TAOK3: variants seen among roughly 807,000 people sequenced by gnomAD.
TAOK3 encodes TAO kinase 3, also known as serine/threonine-protein kinase TAO3.
Under a neutral mutation model 120.4 loss-of-function variants are expected in TAOK3, and 40 were observed. That is an observed-to-expected ratio of 0.33 (90% CI 0.26 to 0.43). The LOEUF (loss-of-function observed/expected upper bound fraction) is 0.43. Ranked by LOEUF, TAOK3 falls within the 20% of genes least tolerant of loss-of-function variation. TAOK3 has a pLI of 1.00. For missense variants in TAOK3, 821 were observed against 1,112.1 expected, an observed-to-expected ratio of 0.74 and a Z score of 3.72; for synonymous variants, 355 against 387.5, an observed-to-expected ratio of 0.92 and a Z score of 0.99.
At position 118,168,957 on chromosome 12, in the gene TAOK3, T is replaced by TTTCCTTCCTTCC. The variant is rs150570843; in HGVS notation, c.1899+3488_1899+3499dup. Among the ~76,000 whole-genome samples, 484 of 147,776 alleles carry TTTCCTTCCTTCC rather than the reference T, an allele frequency of 3.3e-3. 5 individuals are homozygous for TTTCCTTCCTTCC. Among genetic ancestry groups the TTTCCTTCCTTCC allele is most frequent in the African/African-American group, 0.011 (449 of 39,768 alleles). On this transcript the variant is annotated intron_variant, in intron 17 of 20. Transcript: ENST00000392533. ...TGCAGTACTGAATCAGCTTGCTTGCTTTCCTTCCTTCCTTCCTTCCTTCCT... is the reference window on the plus strand; with the variant it reads ...TGCAGTACTGAATCAGCTTGCTTGCTTTCCTTCCTTCCTTCCTTCCTTCCTTCCTTCCTTCCT...
intron 1 of TAOK3, among the ~76,000 whole-genome samples, chr12:118,280,616 C>A (rs563484113): frequency 2.0e-5 from 3 of 152,104 alleles, no homozygotes; most frequent in African/African-American, 7.2e-5. Context: ...TTTGAAGTCT[C>A]GTAACAGGTA....
At position 118,212,576 on chromosome 12, in the gene TAOK3, C is replaced by T. The variant is rs186076597; in HGVS notation, c.819+338G>A. Among the ~76,000 whole-genome samples the T allele has an allele frequency of 9.2e-5, 14 of 152,226 alleles. No individual in the cohort carries two copies. The East Asian group carries it at 2.7e-3, about 29-fold the overall frequency. ...CCACCAGCCAGCTCTGTCCTGAGACCACTGGATTAATGTTTATGCAGATGT... is the reference window on the plus strand; with the variant it reads ...CCACCAGCCAGCTCTGTCCTGAGACTACTGGATTAATGTTTATGCAGATGT... On this transcript the variant is annotated intron_variant, in intron 11 of 20. Coordinates refer to ENST00000392533, the MANE Select transcript of TAOK3 (RefSeq NM_016281.4).
At chr12:118,305,886 G>A (rs2043034233) in intron 1 of TAOK3, among the ~76,000 whole-genome samples, 1 of 133,248 alleles carries the variant, frequency 7.5e-6, no homozygotes, top group African/African-American at 2.9e-5. Context: ...CTGGGCAACA[G>A]CAAACGAGAC....
rs942548584 is a variant in TAOK3, at chr12:118,336,103, G to A, written c.-194+36545C>T. Among the ~76,000 whole-genome samples, 4 of 152,134 alleles carry A rather than the reference G, an allele frequency of 2.6e-5. No homozygotes were observed. The East Asian group carries it at 5.8e-4, about 22-fold the overall frequency. On this transcript the variant is annotated intron_variant, in intron 1 of 20. Transcript: ENST00000392533. ...TAGACATAGGCAAGCTAAATCTGAC[G>A]TTTACATGGACAGGCAAAAGAGCTA...
chr12:118,247,784 G>C (rs1393458930), intron 3 of TAOK3, among the ~76,000 whole-genome samples: 6 of 152,078 alleles, frequency 3.9e-5, no homozygotes, highest in Admixed American at 3.3e-4. Context: ...CAAAGTACTG[G>C]AATTATAGGC....
intron 1 of TAOK3, among the ~76,000 whole-genome samples, chr12:118,304,809 G>A (rs915098494): frequency 1.3e-5 from 2 of 152,152 alleles, no homozygotes; most frequent in African/African-American, 4.8e-5. Context: ...AATTTCATTA[G>A]ATATTATAAA....
At chr12:118,179,207 C>G (rs1458283632) in intron 15 of TAOK3, among the ~76,000 whole-genome samples, 1 of 152,088 alleles carries the variant, frequency 6.6e-6, no homozygotes, top group African/African-American at 2.4e-5. Flanking sequence ...CAGAGAGAGA[C>G]AGAGAGACCA....
intron 9 of TAOK3, among the ~76,000 whole-genome samples, chr12:118,218,004 C>T (rs1391794851): frequency 2.0e-5 from 3 of 149,774 alleles, no homozygotes; most frequent in South Asian, 2.1e-4. Flanking sequence ...GGACTACAGG[C>T]GCATGCCACC....
At chr12:118,366,266 AAAAT>A (rs1234810597) in intron 1 of TAOK3, among the ~76,000 whole-genome samples, 4 of 152,120 alleles carry the variant, frequency 2.6e-5, no homozygotes, top group African/African-American at 4.8e-5. Context: ...TCAATCTCAA[AAAAT>A]AAATAAATAA....
intron 1 of TAOK3, among the ~76,000 whole-genome samples, chr12:118,301,283 G>A (rs777663041): frequency 9.2e-5 from 14 of 152,198 alleles, no homozygotes; most frequent in Middle Eastern, 3.4e-3. Flanking sequence ...GCTGCAAAGA[G>A]GTGGAAACAT....
chr12:118,160,255 T>C lies in TAOK3; in HGVS notation c.2243A>G (p.Asn748Ser). Residue 748 changes from asparagine (N) to serine (S), a missense_variant, in exon 19 of 21, where the codon AAT becomes AGT. Physicochemically the swap from Asn to Ser is conservative, Grantham distance 46. This residue lies in a region of TAOK3 where 354 missense variants were observed against 572.1 expected (regional missense o/e 0.62). Coordinates refer to ENST00000392533, the MANE Select transcript of TAOK3 (RefSeq NM_016281.4). This position sits in a 1 kb window ranked among gnomAD's most constrained non-coding sequence, Gnocchi z 4.2. ...KNHQLEVTPK[N>S]EHKTILKTLK... is the part of the protein sequence containing the mutation. ...TGTCTTTAAGATTGTTTTGTGCTCA[T>C]TCTTTGGAGTAACTTCCAACTGGTG... is the stretch of plus-strand genomic sequence containing the variant. 6.2e-7 allele frequency: 1 copy of C among 1,614,224 alleles called. No individual in the cohort carries two copies. The highest frequency in any genetic ancestry group is 8.5e-7 in the Non-Finnish European group (1 of 1,180,010).
intron 1 of TAOK3, among the ~76,000 whole-genome samples, chr12:118,285,034 G>A (rs1422256340): frequency 6.7e-6 from 1 of 149,826 alleles, no homozygotes; most frequent in Non-Finnish European, 1.5e-5. Flanking sequence ...CAAGCCCCTT[G>A]TCTTTCTATG....
chr12:118,213,865 T>C, intron 10 of TAOK3, 152 bp downstream of exon 10: 3 of 676,962 alleles, frequency 4.4e-6, no homozygotes, highest in Non-Finnish European at 7.5e-6. Context: ...GTGTAGACAG[T>C]TGATGCTTGT....
intron 1 of TAOK3, among the ~76,000 whole-genome samples, chr12:118,353,781 A>T (rs569644759): frequency 6.6e-6 from 1 of 152,338 alleles, no homozygotes; most frequent in Admixed American, 6.5e-5. Flanking sequence ...ATAAGCCAGG[A>T]GCTGGCTAGG....
chr12:118,277,608 G>A (rs549115349), intron 1 of TAOK3, among the ~76,000 whole-genome samples: 89 of 151,864 alleles, frequency 5.9e-4, no homozygotes, highest in Middle Eastern at 3.4e-3. Flanking sequence ...GTACAGGCGC[G>A]CACCACCATG....
At chr12:118,227,071 A>C (rs1448818585) in intron 9 of TAOK3, among the ~76,000 whole-genome samples, 1 of 152,034 alleles carries the variant, frequency 6.6e-6, no homozygotes, top group Non-Finnish European at 1.5e-5. Flanking sequence ...TAAGAAAAAA[A>C]CTTGTTAAGA....
At chr12:118,257,835 T>C (rs538990619) in intron 2 of TAOK3, among the ~76,000 whole-genome samples, 1 of 152,282 alleles carries the variant, frequency 6.6e-6, no homozygotes, top group African/African-American at 2.4e-5. Context: ...CATTCTTTCA[T>C]TCAACAAATA....
At chr12:118,258,347 T>G (rs151303484) in intron 2 of TAOK3, among the ~76,000 whole-genome samples, 1 of 152,138 alleles carries the variant, frequency 6.6e-6, no homozygotes. Context: ...ATAAAGTTAC[T>G]ACATCAATAC....
At chr12:118,192,696 T>G (rs1448938900) in intron 13 of TAOK3, among the ~76,000 whole-genome samples, 1 of 152,252 alleles carries the variant, frequency 6.6e-6, no homozygotes, top group Non-Finnish European at 1.5e-5. Flanking sequence ...ATATTTTCTG[T>G]TGGTTATACT....
Sources: allele counts gnomAD v4.1 joint callset (sites outside exome capture counted in the v4.1 genomes callset), GRCh38; gene constraint gnomAD v4.1.1; regional missense constraint gnomAD v4.1.1; non-coding constraint Gnocchi (gnomAD v3.1); transcripts MANE v1.5; gene names NCBI Gene and HGNC (gene_info 2026-07-23, HGNC 2026-07-21).